Variants in ZNF320 observed in about 807,000 individuals in gnomAD.
The protein encoded by ZNF320 is zinc finger protein 320.
A neutral mutation model predicts 6.8 loss-of-function variants in ZNF320; 2 were observed. That is an observed-to-expected ratio of 0.29 (90% CI 0.12 to 0.93). The LOEUF is 0.93. ZNF320 is among the 40% of genes least tolerant of loss of function. The pLI is 0.55. For missense variants in ZNF320, 472 were observed against 611.0 expected (o/e 0.77, Z 2.40); for synonymous variants, 208 against 203.2 (o/e 1.02, Z -0.20).
At chr19:52,862,681 T>G in exon 6 of ZNF320, 1 of 592,222 alleles carries the variant, frequency 1.7e-6, no homozygotes, top group African/African-American at 1.9e-5. Flanking sequence ...AAGGTTTCTC[T>G]CCAGTGTGAA....
At position 52,876,552 on chromosome 19, in the gene ZNF320, C is replaced by G. The variant is rs967798651; in HGVS notation, c.*4044G>C. 7 of 152,172 alleles carry G rather than the reference C, an allele frequency of 4.6e-5. No individual in the cohort carries two copies. Among genetic ancestry groups the G allele is most frequent in the African/African-American group, 1.7e-4 (7 of 41,442 alleles). The allele number at this position is 152,172 out of a possible 1,614,324, so 9.4% of individuals were successfully genotyped here. On this transcript the variant is annotated 3_prime_UTR_variant, in exon 6 of 6. Coordinates refer to ENST00000682928, the MANE Select transcript of ZNF320 (RefSeq NM_001351774.2). The stretch of plus-strand genomic sequence containing the variant: ...GTCTCGCTCTTGCCCAGCCAGAGTG[C>G]AGTTGCAGGATCTCAGCTCACTGCA...
intron 5 of ZNF320, among the ~76,000 whole-genome samples, chr19:52,887,526 T>A (rs184831764): frequency 5.9e-5 from 9 of 152,324 alleles, no homozygotes; most frequent in African/African-American, 2.2e-4. Context: ...TTCCAAGAAC[T>A]AATGAGTTGA....
chr19:52,870,518 A>G (rs1424792771), intron 5 of ZNF320, among the ~76,000 whole-genome samples: 1 of 150,420 alleles, frequency 6.6e-6, no homozygotes, highest in Non-Finnish European at 1.5e-5. Context: ...AGATCATTAC[A>G]ATTATTATAA....
upstream of ZNF320, among the ~76,000 whole-genome samples, chr19:52,901,690 C>T (rs980752658): frequency 1.3e-5 from 2 of 152,206 alleles, no homozygotes; most frequent in Non-Finnish European, 2.9e-5. Context: ...TCTAGTTAGT[C>T]TAGCGTTTAT....
At chr19:52,889,531 A>G (rs2064218291) in intron 4 of ZNF320, among the ~76,000 whole-genome samples, 1 of 152,184 alleles carries the variant, frequency 6.6e-6, no homozygotes, top group Non-Finnish European at 1.5e-5. Flanking sequence ...TACCGCTGCC[A>G]TATTTGAGAA....
At chr19:52,875,084 G>A (rs935678148), downstream of ZNF320, among the ~76,000 whole-genome samples, 4 of 152,176 alleles carry the variant, frequency 2.6e-5, no homozygotes, top group Non-Finnish European at 4.4e-5. Context: ...CTCCTTTCAT[G>A]TATACATGCA....
chr19:52,895,970 T>C (rs535079329), intron 1 of ZNF320, among the ~76,000 whole-genome samples: 2 of 152,264 alleles, frequency 1.3e-5, no homozygotes, highest in Admixed American at 1.3e-4. Context: ...TAAAAATATA[T>C]ACATCTAAAA....
upstream of ZNF320, among the ~76,000 whole-genome samples, chr19:52,899,526 A>G (rs545929167): frequency 1.1e-4 from 17 of 152,176 alleles, no homozygotes; most frequent in African/African-American, 3.9e-4. Flanking sequence ...GCAGTGGTGC[A>G]GTCTCAGCTC....
intron 3 of ZNF320, 103 bp from the exon 4 acceptor site, chr19:52,890,431 C>T: frequency 1.1e-6 from 1 of 930,406 alleles, no homozygotes; most frequent in Non-Finnish European, 1.6e-6. Context: ...AAATATGGTC[C>T]CCTCTGCTGC....
intron 5 of ZNF320, among the ~76,000 whole-genome samples, chr19:52,868,432 C>T (rs576538687): frequency 4.0e-5 from 6 of 151,192 alleles, no homozygotes; most frequent in South Asian, 2.1e-4. Flanking sequence ...CTCGAACCCC[C>T]GGGGCGGAGG....
Position 52,888,173 on chromosome 19 carries a change from T to C in ZNF320, c.96A>G (p.Leu32=), listed in dbSNP as rs2064156779. ...WKCLDPAQRT[L]YRDVMLENYR... ...AATTCTCCAGCATCACGTCTCTGTA[T>C]AGAGTCCTCTGAGCAGGGTCCAGGC... The change falls in exon 5 of 6, where the codon CTA becomes CTG. Residue 32 remains leucine (L), a synonymous_variant. Coordinates refer to ENST00000682928, the MANE Select transcript of ZNF320 (RefSeq NM_001351774.2). The C allele has an allele frequency of 1.9e-6, 3 of 1,572,592 alleles. No individual in the cohort carries two copies. Among genetic ancestry groups the C allele is most frequent in the Admixed American group, 2.0e-5 (1 of 50,746 alleles).
rs1311171098 is a variant in ZNF320 at position 52,888,589 on chromosome 19, C to G, written c.16-336G>C. Among the ~76,000 whole-genome samples, 3 of 101,072 alleles carry G rather than the reference C, an allele frequency of 3.0e-5. No homozygotes were observed. The East Asian group carries it at 6.9e-4, about 23-fold the overall frequency. 66.3% of individuals were successfully genotyped at this position (101,072 alleles called of 152,430 possible). ...AGGTTTCAGTGAGCTGCGATTGCACCAAGGCATTCTAGCCTGGGCAACAAA... is the reference window on the plus strand; with the variant it reads ...AGGTTTCAGTGAGCTGCGATTGCACGAAGGCATTCTAGCCTGGGCAACAAA... On this transcript the variant is annotated intron_variant, in intron 4 of 5. Coordinates refer to ENST00000682928, the MANE Select transcript of ZNF320 (RefSeq NM_001351774.2).
rs1301557704 is a variant in ZNF320, at chr19:52,880,836, T to A, written c.1290A>T (p.Arg430Ser). The change falls in exon 6 of 6, where the codon AGA becomes AGT. Residue 430 changes from arginine to serine, a missense_variant. Around this residue, in one of 2 missense-constraint regions of ZNF320, gnomAD observed 462 missense variants for 559.7 expected, o/e 0.83. Transcript: ENST00000682928. ...KVYIRKSHLERHRRIHTGEKP... is the reference protein window; with the variant it reads ...KVYIRKSHLESHRRIHTGEKP... ...TCTCTCCTGTATGAATCCTCCTATG[T>A]CTTTCAAGGTGTGATTTGCGAATGT... is the stretch of plus-strand genomic sequence containing the variant. 6.2e-7 allele frequency: 1 copy of A among 1,613,868 alleles called. No individual in the cohort carries two copies. The highest frequency in any genetic ancestry group is 1.3e-5 in the African/African-American group (1 of 74,922).
chr19:52,867,485 C>T (rs1042178389), intron 5 of ZNF320, among the ~76,000 whole-genome samples: 4 of 152,058 alleles, frequency 2.6e-5, no homozygotes, highest in South Asian at 2.1e-4. Context: ...CATGAGCCAC[C>T]GTGCCCAGCC....
chr19:52,898,195 C>A (rs1047673855), upstream of ZNF320, among the ~76,000 whole-genome samples: 20 of 152,332 alleles, frequency 1.3e-4, no homozygotes, highest in African/African-American at 4.8e-4. Flanking sequence ...AAATCCTCTC[C>A]CTTTCTATTT....
At chr19:52,875,018 T>C (rs2063740924), downstream of ZNF320, among the ~76,000 whole-genome samples, 1 of 152,178 alleles carries the variant, frequency 6.6e-6, no homozygotes, top group Admixed American at 6.5e-5. Context: ...GGATGAGGCC[T>C]TGAAACATTT....
chr19:52,876,438 CAA>C lies in ZNF320; in HGVS notation c.*4156_*4157del, dbSNP rs2063768785. On this transcript the variant is annotated 3_prime_UTR_variant, in exon 6 of 6. Coordinates refer to ENST00000682928, the MANE Select transcript of ZNF320 (RefSeq NM_001351774.2). ...ACATTTTGAACACATACCGTAGTTG[CAA>C]AACAATGATGTTACCTCGTAAGATT... is the stretch of plus-strand genomic sequence containing the variant. 6.6e-6 allele frequency: 1 copy of C among 150,716 alleles called. No individual in the cohort carries two copies. Among genetic ancestry groups the C allele is most frequent in the Non-Finnish European group, 1.5e-5 (1 of 67,866 alleles). 9.3% of individuals were successfully genotyped at this position (150,716 alleles called of 1,614,324 possible).
At chr19:52,885,959 G>T (rs963139239) in intron 5 of ZNF320, among the ~76,000 whole-genome samples, 1 of 151,772 alleles carries the variant, frequency 6.6e-6, no homozygotes, top group Non-Finnish European at 1.5e-5. Flanking sequence ...ACTCGCATAC[G>T]TATACCTTTT....
At chr19:52,862,126 A>G in exon 6 of ZNF320, 1 of 385,672 alleles carries the variant, frequency 2.6e-6, no homozygotes, top group South Asian at 2.0e-5. Flanking sequence ...TTCTCCAATG[A>G]TTTGCAACAG....
Sources: gnomAD v4.1 joint callset for allele counts (sites outside exome capture counted in the v4.1 genomes callset) on GRCh38, gnomAD v4.1.1 for gene constraint, gnomAD v4.1.1 regional missense constraint, MANE v1.5 for transcripts, NCBI Gene and HGNC (gene_info 2026-07-23, HGNC 2026-07-21) for gene names.